SORCS2: variants seen among roughly 807,000 people sequenced by gnomAD.
The protein encoded by SORCS2 is VPS10 domain-containing receptor SorCS2.
A neutral mutation model predicts 141.6 loss-of-function variants in SORCS2; 100 were observed. That is an observed-to-expected ratio of 0.71 (90% CI 0.60 to 0.83). SORCS2 has a LOEUF of 0.83. Among genes scored for constraint, SORCS2 ranks in the 40% least tolerant of loss-of-function variants. The pLI, the probability that SORCS2 is intolerant of heterozygous loss-of-function variation, is 0.00. For missense variants in SORCS2, 1,646 were observed against 1,560.2 expected (o/e 1.05, Z -0.93); for synonymous variants, 789 against 676.9 (o/e 1.17, Z -2.57).
At position 7,666,981 on chromosome 4, in the gene SORCS2, T is replaced by C. The variant is rs1002265634; in HGVS notation, c.1072-143T>C. The C allele has an allele frequency of 4.2e-6, 3 of 712,078 alleles. No homozygotes were observed. In the African/African-American group the frequency reaches 5.3e-5, roughly 13 times the overall value. The allele number at this position is 712,078 out of a possible 1,614,324, so 44.1% of individuals were successfully genotyped here. A position where few individuals can be genotyped will look rare whatever the true frequency, so the allele number is the denominator to read the frequency against. On this transcript the variant is annotated intron_variant, in intron 7 of 26. Transcript: ENST00000507866. ...TGGGGCTTTGAAGGATGAATAGGAGTCTGTTCATTTCAAGCAGAACAGGTA... is the reference window on the plus strand; with the variant it reads ...TGGGGCTTTGAAGGATGAATAGGAGCCTGTTCATTTCAAGCAGAACAGGTA...
chr4:7,338,623 A>G (rs1190552940), intron 1 of SORCS2, among the ~76,000 whole-genome samples: 1 of 152,148 alleles, frequency 6.6e-6, no homozygotes, highest in Non-Finnish European at 1.5e-5. Flanking sequence ...CTTTCTGTTC[A>G]GTCTCCTGCC....
intron 1 of SORCS2, among the ~76,000 whole-genome samples, chr4:7,244,978 G>C (rs907265494): frequency 1.3e-5 from 2 of 152,174 alleles, no homozygotes; most frequent in Non-Finnish European, 2.9e-5. Flanking sequence ...GTGGCTGGAG[G>C]GGGGTGGAGT....
chr4:7,452,701 G>A (rs1428888333), intron 2 of SORCS2, among the ~76,000 whole-genome samples: 1 of 152,232 alleles, frequency 6.6e-6, no homozygotes, highest in African/African-American at 2.4e-5. Flanking sequence ...TTCTGCCTCT[G>A]TAGAATATGT....
chr4:7,238,850 CTG>C (rs1006245746), intron 1 of SORCS2, among the ~76,000 whole-genome samples: 2 of 152,206 alleles, frequency 1.3e-5, no homozygotes, highest in African/African-American at 4.8e-5. Context: ...AGTGAGCCCT[CTG>C]AGGTCTGTCC....
chr4:7,199,419 G>T (rs1336116919), intron 1 of SORCS2, among the ~76,000 whole-genome samples: 1 of 152,284 alleles, frequency 6.6e-6, no homozygotes, highest in South Asian at 2.1e-4. Context: ...AGGCTGGGGA[G>T]GTGTGGCTGA....
chr4:7,453,286 AGCTGTGTGTTGGGGTCAGGT>A (rs1728610393), intron 2 of SORCS2, among the ~76,000 whole-genome samples: 2 of 36,972 alleles, frequency 5.4e-5, no homozygotes, highest in East Asian at 1.7e-3. Flanking sequence ...TGGGGTCAGG[AGCTGTGTGTTGGGGTCAGGT>A]GCTGTGTGTT....
intron 2 of SORCS2, among the ~76,000 whole-genome samples, chr4:7,411,705 G>A (rs1032717624): frequency 6.6e-6 from 1 of 152,174 alleles, no homozygotes; most frequent in Admixed American, 6.5e-5. Flanking sequence ...AAGACTCAGA[G>A]TTTAGTAGGG....
intron 1 of SORCS2, among the ~76,000 whole-genome samples, chr4:7,358,011 G>T (rs1721357295): frequency 6.6e-6 from 1 of 152,220 alleles, no homozygotes; most frequent in Non-Finnish European, 1.5e-5. Context: ...GAAAATATTT[G>T]TGTACCCCCC....
intron 12 of SORCS2, among the ~76,000 whole-genome samples, chr4:7,697,799 G>T (rs188588758): frequency 6.6e-6 from 1 of 152,064 alleles, no homozygotes; most frequent in Non-Finnish European, 1.5e-5. Flanking sequence ...TGTGAGTCTG[G>T]GTTGGGGTGT....
chr4:7,656,638 G>C (rs1435552693), intron 5 of SORCS2, among the ~76,000 whole-genome samples: 3 of 152,242 alleles, frequency 2.0e-5, no homozygotes, highest in Non-Finnish European at 4.4e-5. Context: ...CACTCTGCTG[G>C]GTGGTCTGGC....
intron 2 of SORCS2, among the ~76,000 whole-genome samples, chr4:7,411,406 C>T (rs1188242354): frequency 6.6e-6 from 1 of 152,074 alleles, no homozygotes; most frequent in Non-Finnish European, 1.5e-5. Context: ...CTTGCTCCCC[C>T]TTTCCCATGT....
chr4:7,435,865 G>A (rs373305095), intron 2 of SORCS2, among the ~76,000 whole-genome samples: 1 of 152,236 alleles, frequency 6.6e-6, no homozygotes, highest in East Asian at 1.9e-4. Flanking sequence ...GCCATGGAGT[G>A]GGCAGGCCAG....
At chr4:7,427,564 G>A (rs759684730) in intron 2 of SORCS2, among the ~76,000 whole-genome samples, 5 of 152,182 alleles carry the variant, frequency 3.3e-5, no homozygotes, top group Non-Finnish European at 7.4e-5. Flanking sequence ...ATCTGTGTTA[G>A]TGCGTTCTTG....
chr4:7,428,114 C>T (rs1726582097), intron 2 of SORCS2, among the ~76,000 whole-genome samples: 1 of 152,110 alleles, frequency 6.6e-6, no homozygotes. Context: ...CTGCCCGTGG[C>T]TTCACCTGGA....
At chr4:7,706,298 TCTGGGCAGGGATGAGGCTGGGCTCC>T (rs1560498823) in intron 14 of SORCS2, among the ~76,000 whole-genome samples, 503 of 22,684 alleles carry the variant, frequency 0.022, 74 homozygotes, top group South Asian at 0.033. Context: ...CTGGGCTCCG[TCTGGGCAGGGATGAGGCTGGGCTCC>T]GTCTGGGCAG....
At chr4:7,653,602 G>A (rs1269441597) in intron 4 of SORCS2, among the ~76,000 whole-genome samples, 1 of 152,220 alleles carries the variant, frequency 6.6e-6, no homozygotes, top group East Asian at 1.9e-4. Flanking sequence ...AGCCCCAGAT[G>A]TGGGGCCCTT....
chr4:7,246,021 G>A (rs1011872436), intron 1 of SORCS2, among the ~76,000 whole-genome samples: 2 of 152,190 alleles, frequency 1.3e-5, no homozygotes, highest in East Asian at 1.9e-4. Context: ...GCCTGGTTCT[G>A]TCAGTCAGAA....
chr4:7,496,344 C>T (rs1482193167), intron 2 of SORCS2, among the ~76,000 whole-genome samples: 1 of 152,086 alleles, frequency 6.6e-6, no homozygotes, highest in Non-Finnish European at 1.5e-5. Context: ...AGGATTCGCG[C>T]CTGGGTCTGA....
At chr4:7,548,563 A>T (rs949352970) in intron 3 of SORCS2, among the ~76,000 whole-genome samples, 9 of 152,186 alleles carry the variant, frequency 5.9e-5, no homozygotes, top group Non-Finnish European at 1.3e-4. Flanking sequence ...AGCACAGGGA[A>T]GTGGCTCCTT....
Sources: gnomAD v4.1 joint callset for allele counts (sites outside exome capture counted in the v4.1 genomes callset) on GRCh38, gnomAD v4.1.1 for gene constraint, MANE v1.5 for transcripts, NCBI Gene and HGNC (gene_info 2026-07-23, HGNC 2026-07-21) for gene names.